Variants in ST6GALNAC3 observed in about 807,000 individuals in gnomAD.
The protein encoded by ST6GALNAC3 is alpha-N-acetylgalactosaminide alpha-2,6-sialyltransferase 3.
A neutral mutation model predicts 32.7 loss-of-function variants in ST6GALNAC3; 25 were observed. The ratio of observed to expected loss-of-function variants is 0.76; its 90% CI spans 0.56 to 1.07. The LOEUF is 1.07. Among genes scored for constraint, ST6GALNAC3 ranks in the 50% least tolerant of loss-of-function variants. ST6GALNAC3 has a pLI of 0.00. For synonymous variants in ST6GALNAC3, 129 were observed against 133.1 expected (o/e 0.97, Z 0.21); for missense variants, 355 against 382.4 (o/e 0.93, Z 0.60).
intron 3 of ST6GALNAC3, among the ~76,000 whole-genome samples, chr1:76,437,400 C>CAGT (rs1656214305): frequency 6.6e-6 from 1 of 151,992 alleles, no homozygotes; most frequent in African/African-American, 2.4e-5. Context: ...CAGCCCTGTT[C>CAGT]AGTAAGATTT....
chr1:76,384,634 T>C (rs1651958643), intron 2 of ST6GALNAC3, among the ~76,000 whole-genome samples: 1 of 152,230 alleles, frequency 6.6e-6, no homozygotes, highest in African/African-American at 2.4e-5. Flanking sequence ...CACATACTGG[T>C]CAATAATGCA....
intron 3 of ST6GALNAC3, among the ~76,000 whole-genome samples, chr1:76,441,046 C>A (rs1291836168): frequency 2.8e-5 from 4 of 144,324 alleles, no homozygotes; most frequent in Non-Finnish European, 4.5e-5. Flanking sequence ...TGAGATCATG[C>A]CACTGCACTC....
chr1:76,436,251 A>G (rs1656135501), intron 3 of ST6GALNAC3, among the ~76,000 whole-genome samples: 1 of 152,120 alleles, frequency 6.6e-6, no homozygotes, highest in Non-Finnish European at 1.5e-5. Flanking sequence ...AATGAGACTG[A>G]GTTCGAAGAT....
At chr1:76,380,651 T>G (rs1188230065) in intron 2 of ST6GALNAC3, among the ~76,000 whole-genome samples, 1 of 152,114 alleles carries the variant, frequency 6.6e-6, no homozygotes, top group Non-Finnish European at 1.5e-5. Context: ...AAGAATGAAA[T>G]GTGGATGCGT....
intron 1 of ST6GALNAC3, among the ~76,000 whole-genome samples, chr1:76,166,600 A>G (rs955976403): frequency 6.6e-6 from 1 of 152,216 alleles, no homozygotes. Flanking sequence ...CAGCATGGCC[A>G]TTTTAACAAT....
chr1:76,184,764 G>T (rs1653444254), intron 1 of ST6GALNAC3, among the ~76,000 whole-genome samples: 1 of 152,276 alleles, frequency 6.6e-6, no homozygotes, highest in Admixed American at 6.5e-5. Context: ...CTGGACAGAG[G>T]ATGCTCATTG....
intron 1 of ST6GALNAC3, among the ~76,000 whole-genome samples, chr1:76,174,996 T>G (rs1652762037): frequency 6.6e-6 from 1 of 152,202 alleles, no homozygotes; most frequent in Admixed American, 6.5e-5. Flanking sequence ...ATACGCTACT[T>G]AATGATACCT....
intron 3 of ST6GALNAC3, among the ~76,000 whole-genome samples, chr1:76,603,608 C>T (rs921319634): frequency 1.3e-5 from 2 of 152,152 alleles, no homozygotes; most frequent in Non-Finnish European, 2.9e-5. Context: ...AACAGTTACT[C>T]CTGCCAGGGA....
chr1:76,260,998 A>ACACG lies in ST6GALNAC3; in HGVS notation c.19-52804_19-52803insGCAC, dbSNP rs1373129210. Among the ~76,000 whole-genome samples, 9 of 152,060 alleles carry ACACG rather than the reference A, an allele frequency of 5.9e-5. No homozygotes were observed. The East Asian group carries it at 1.7e-3, about 29-fold the overall frequency. The stretch of plus-strand genomic sequence containing the variant: ...TACACACACACACACACACACACAC[A>ACACG]CACACACACACACGCTGTGAAATGG... On this transcript the variant is annotated intron_variant, in intron 1 of 4. Coordinates refer to ENST00000328299, the MANE Select transcript of ST6GALNAC3 (RefSeq NM_152996.4).
chr1:76,602,522 A>G (rs34189218), intron 3 of ST6GALNAC3, among the ~76,000 whole-genome samples: 15,632 of 152,080 alleles, frequency 0.1, 1,034 homozygotes, highest in African/African-American at 0.19. Context: ...AGTACAGTAT[A>G]ATAATACTAA....
intron 1 of ST6GALNAC3, among the ~76,000 whole-genome samples, chr1:76,208,048 C>CG (rs11389393): frequency 2.7e-5 from 4 of 145,630 alleles, no homozygotes; most frequent in African/African-American, 1.0e-4. Context: ...AGTGCCCCCC[C>CG]CCCCAAAAAA....
At chr1:76,137,948 T>G (rs1343810716) in intron 1 of ST6GALNAC3, among the ~76,000 whole-genome samples, 1 of 152,232 alleles carries the variant, frequency 6.6e-6, no homozygotes, top group African/African-American at 2.4e-5. Context: ...GAAACCTCAC[T>G]GTAACTACTA....
chr1:76,122,920 C>T (rs527315232), intron 1 of ST6GALNAC3, among the ~76,000 whole-genome samples: 18 of 152,282 alleles, frequency 1.2e-4, no homozygotes, highest in South Asian at 2.1e-4. Flanking sequence ...TTGTAGTCTG[C>T]GTCAGTGCTA....
chr1:76,239,000 G>C (rs1203277880), intron 1 of ST6GALNAC3, among the ~76,000 whole-genome samples: 1 of 139,280 alleles, frequency 7.2e-6, no homozygotes, highest in African/African-American at 2.8e-5. Flanking sequence ...CAGTAAGATA[G>C]AAGTGAGCAC....
intron 3 of ST6GALNAC3, among the ~76,000 whole-genome samples, chr1:76,571,591 A>G (rs909162756): frequency 7.2e-5 from 11 of 152,132 alleles, no homozygotes; most frequent in African/African-American, 2.2e-4. Context: ...ACTATCTTAT[A>G]TTATAAATGC....
intron 3 of ST6GALNAC3, among the ~76,000 whole-genome samples, chr1:76,558,935 A>C (rs1665083874): frequency 1.3e-5 from 2 of 152,114 alleles, no homozygotes; most frequent in Admixed American, 1.3e-4. Flanking sequence ...TTTAATAATA[A>C]ATTTTTAAAA....
intron 1 of ST6GALNAC3, among the ~76,000 whole-genome samples, chr1:76,160,232 G>A (rs17098239): frequency 0.011 from 1,703 of 152,246 alleles, 31 homozygotes; most frequent in East Asian, 0.044. Context: ...GGCAGGCAGT[G>A]GTTGGCTATT....
chr1:76,329,216 A>G (rs374215639), intron 2 of ST6GALNAC3, among the ~76,000 whole-genome samples: 1 of 152,178 alleles, frequency 6.6e-6, no homozygotes, highest in African/African-American at 2.4e-5. Context: ...TTTCTCAGCT[A>G]GTAGGAAGCT....
At chr1:76,605,951 A>T (rs1570429615) in intron 3 of ST6GALNAC3, among the ~76,000 whole-genome samples, 1 of 151,636 alleles carries the variant, frequency 6.6e-6, no homozygotes, top group South Asian at 2.1e-4. Context: ...GCCAAAAACC[A>T]TGTAAAAAAC....
Sources: allele counts gnomAD v4.1 joint callset (sites outside exome capture counted in the v4.1 genomes callset), GRCh38; gene constraint gnomAD v4.1.1; transcripts MANE v1.5; gene names NCBI Gene and HGNC (gene_info 2026-07-23, HGNC 2026-07-21).